Variants in OCA2 observed in about 807,000 individuals in gnomAD.
OCA2 encodes the protein OCA2 melanosomal transmembrane protein.
A neutral mutation model predicts 100.2 loss-of-function variants in OCA2; 77 were observed. The ratio of observed to expected loss-of-function variants is 0.77; its 90% confidence interval spans 0.64 to 0.93. The LOEUF (loss-of-function observed/expected upper bound fraction) is 0.93, where lower values mean the gene tolerates loss of function less well. Ranked by LOEUF, OCA2 falls within the 40% of genes least tolerant of loss-of-function variation. The pLI is 0.00. For missense variants in OCA2, 1,062 were observed against 1,089.1 expected, an observed-to-expected ratio of 0.98 and a Z score of 0.35; for synonymous variants, 432 against 439.2, an observed-to-expected ratio of 0.98 and a Z score of 0.21.
At chr15:27,873,934 A>G (rs2036685226) in intron 19 of OCA2, among the ~76,000 whole-genome samples, 1 of 152,240 alleles carries the variant, frequency 6.6e-6, no homozygotes, top group Admixed American at 6.5e-5. Flanking sequence ...GATTATACAT[A>G]TTACTTGTCT....
intron 16 of OCA2, among the ~76,000 whole-genome samples, chr15:27,956,208 G>C (rs1489024317): frequency 6.6e-6 from 1 of 152,096 alleles, no homozygotes; most frequent in Non-Finnish European, 1.5e-5. Flanking sequence ...AATTAGCCAG[G>C]AGGGTTGGTA....
chr15:27,967,152 CG>C (rs758686523), intron 14 of OCA2, among the ~76,000 whole-genome samples: 1 of 151,968 alleles, frequency 6.6e-6, no homozygotes, highest in Non-Finnish European at 1.5e-5. Flanking sequence ...CAAAAAGAAA[CG>C]GAAGACGGGC....
chr15:27,962,223 G>A (rs2040432142), intron 15 of OCA2, among the ~76,000 whole-genome samples: 1 of 152,174 alleles, frequency 6.6e-6, no homozygotes, highest in Non-Finnish European at 1.5e-5. Context: ...GATCTTCAGA[G>A]AAGACTCAAA....
intron 2 of OCA2, among the ~76,000 whole-genome samples, chr15:28,070,256 A>G (rs2044194109): frequency 1.6e-5 from 2 of 127,690 alleles, no homozygotes; most frequent in African/African-American, 3.4e-5. Context: ...CAGCCACCCC[A>G]TCTGGGAAGT....
At position 28,019,319 on chromosome 15, in the gene OCA2, G is replaced by A. The variant is rs1463432810; in HGVS notation, c.647-762C>T. ...CGCAGCAAAGAAGAGCAGGAAGGGA[G>A]GGAGGAAGAGAAAGGAGAGCGGGAG... is the stretch of plus-strand genomic sequence containing the variant. On this transcript the variant is annotated intron_variant, in intron 6 of 23. Transcript: ENST00000354638. 2.0e-5 allele frequency among the ~76,000 whole-genome samples: 3 copies of A among 150,796 alleles called. No individual in the cohort carries two copies. In the East Asian group the frequency reaches 5.9e-4, roughly 29 times the overall value.
chr15:27,834,768 GT>G (rs2035084216), intron 23 of OCA2, among the ~76,000 whole-genome samples: 1 of 152,202 alleles, frequency 6.6e-6, no homozygotes, highest in Non-Finnish European at 1.5e-5. Context: ...GTCAGCGCCT[GT>G]CACCCACCTT....
chr15:27,989,686 T>C lies in OCA2; in HGVS notation c.1117-20A>G, dbSNP rs749747648. 2.2e-5 allele frequency: 36 copies of C among 1,613,114 alleles called. No homozygotes were observed. The highest frequency in any genetic ancestry group is 3.0e-5 in the Non-Finnish European group (35 of 1,179,384). ...GGGTCTCTGCAATCAAAGCACAAAT[T>C]TGCCAATTAATCCGTGCGCCGCCAT... On this transcript the variant is annotated intron_variant, in intron 10 of 23. Transcript: ENST00000354638.
rs140118923 is a variant in OCA2, at chr15:28,010,594, C to G, written c.1044+4182G>C. Among the ~76,000 whole-genome samples the G allele has an allele frequency of 3.3e-3, 498 of 152,170 alleles. 2 individuals carry two copies. The highest frequency in any genetic ancestry group is 0.011 in the African/African-American group (470 of 41,522). ...ATAGGTGGAAATCAAAATAAAAACTCAGTACCATTTACAATTGCTCCAAAG... is the reference window on the plus strand; with the variant it reads ...ATAGGTGGAAATCAAAATAAAAACTGAGTACCATTTACAATTGCTCCAAAG... On this transcript the variant is annotated intron_variant, in intron 9 of 23. Coordinates refer to ENST00000354638, the MANE Select transcript of OCA2 (RefSeq NM_000275.3).
intron 9 of OCA2, among the ~76,000 whole-genome samples, chr15:28,002,506 G>A (rs558666783): frequency 6.6e-6 from 1 of 152,260 alleles, no homozygotes; most frequent in East Asian, 1.9e-4. Context: ...CCCATCACTG[G>A]CTCCTGCATT....
intron 19 of OCA2, among the ~76,000 whole-genome samples, chr15:27,889,794 G>C (rs1044965757): frequency 1.3e-5 from 2 of 152,206 alleles, no homozygotes; most frequent in Non-Finnish European, 1.5e-5. Context: ...GCTCTAACTG[G>C]TCCATGGACA....
chr15:28,027,384 A>C (rs186244252), intron 4 of OCA2, among the ~76,000 whole-genome samples: 3 of 152,290 alleles, frequency 2.0e-5, no homozygotes, highest in Non-Finnish European at 1.5e-5. Flanking sequence ...AAATGCTTAC[A>C]CATTAATGGT....
intron 18 of OCA2, among the ~76,000 whole-genome samples, chr15:27,932,828 T>C (rs1351756111): frequency 6.6e-6 from 1 of 152,090 alleles, no homozygotes; most frequent in African/African-American, 2.4e-5. Flanking sequence ...AGTTTGGAAA[T>C]GTCACAAAAC....
chr15:27,938,293 G>A lies in OCA2; in HGVS notation c.1952-12039C>T, dbSNP rs147426512. 9.7e-3 allele frequency among the ~76,000 whole-genome samples: 1,476 copies of A among 152,222 alleles called. 31 individuals carry two copies. Among genetic ancestry groups the A allele is most frequent in the African/African-American group, 0.034 (1,423 of 41,532 alleles). Reference sequence around the variant, plus strand: ...AAGATACACACCTGCCTCAGCTTACGTGCCACCTAAGATCTGATGAGGGTC... The same window carrying A: ...AAGATACACACCTGCCTCAGCTTACATGCCACCTAAGATCTGATGAGGGTC... On this transcript the variant is annotated intron_variant, in intron 18 of 23. Coordinates refer to ENST00000354638, the MANE Select transcript of OCA2 (RefSeq NM_000275.3).
chr15:27,970,005 T>C (rs946321351), intron 14 of OCA2, among the ~76,000 whole-genome samples: 5 of 151,786 alleles, frequency 3.3e-5, no homozygotes, highest in Non-Finnish European at 7.4e-5. Flanking sequence ...CCTGTCTAGA[T>C]GGCCAGTAAG....
intron 9 of OCA2, among the ~76,000 whole-genome samples, chr15:27,991,526 T>C (rs886415019): frequency 6.6e-6 from 1 of 152,124 alleles, no homozygotes; most frequent in Non-Finnish European, 1.5e-5. Context: ...AAAGTAAATT[T>C]AGAGAAACAG....
intron 23 of OCA2, among the ~76,000 whole-genome samples, chr15:27,828,917 C>T (rs560934893): frequency 2.2e-4 from 34 of 152,272 alleles, no homozygotes; most frequent in African/African-American, 7.5e-4. Context: ...GCTAGAAGAG[C>T]CGCTGAGACA....
chr15:27,871,523 G>A (rs2036573203), intron 20 of OCA2, among the ~76,000 whole-genome samples: 1 of 152,216 alleles, frequency 6.6e-6, no homozygotes, highest in Non-Finnish European at 1.5e-5. Context: ...TCCCCATGTG[G>A]TGGCTGCGCA....
At chr15:27,986,805 G>A (rs1385495778) in intron 11 of OCA2, among the ~76,000 whole-genome samples, 162 bp from the exon 12 acceptor site, 1 of 152,170 alleles carries the variant, frequency 6.6e-6, no homozygotes, top group Non-Finnish European at 1.5e-5. Context: ...TCCTGGAATA[G>A]TACACTCACT....
intron 2 of OCA2, among the ~76,000 whole-genome samples, chr15:28,053,754 ATTCTGGG>A: frequency 6.6e-6 from 1 of 152,328 alleles, no homozygotes; most frequent in Non-Finnish European, 1.5e-5. Flanking sequence ...AGCTGAGCCT[ATTCTGGG>A]CACTTTGTCT....
Sources: gnomAD v4.1 joint callset for allele counts (sites outside exome capture counted in the v4.1 genomes callset) on GRCh38, gnomAD v4.1.1 for gene constraint, MANE v1.5 for transcripts, NCBI Gene and HGNC (gene_info 2026-07-23, HGNC 2026-07-21) for gene names.